The following CGREF1 variants were observed in gnomAD, a reference collection of about 807,000 sequenced individuals.
CGREF1 encodes cell growth regulator with EF hand domain protein 1.
In CGREF1, 16 loss-of-function variants were observed where a neutral mutation model predicts 17.4. The observed-to-expected ratio is 0.92, with a 90% CI of 0.62 to 1.40. CGREF1 has a LOEUF of 1.40. Among genes scored for constraint, CGREF1 ranks in the 40% most tolerant of loss-of-function variants. CGREF1 has a pLI of 0.00. For missense variants in CGREF1, 296 were observed against 376.4 expected (o/e 0.79, Z 1.77); for synonymous variants, 142 against 154.6 (o/e 0.92, Z 0.61).
chr2:27,110,289 C>A (rs772767598), intron 1 of CGREF1, among the ~76,000 whole-genome samples: 2 of 152,042 alleles, frequency 1.3e-5, no homozygotes, highest in Non-Finnish European at 2.9e-5. Context: ...GTAGATCCAG[C>A]TACTAGGGAG....
chr2:27,116,462 G>C (rs891444637), intron 1 of CGREF1, among the ~76,000 whole-genome samples: 1 of 151,796 alleles, frequency 6.6e-6, no homozygotes, highest in African/African-American at 2.4e-5. Flanking sequence ...AGGAGGCAGA[G>C]GTTGCAATGA....
downstream of CGREF1, chr2:27,099,773 C>T: frequency 6.2e-7 from 1 of 1,612,154 alleles, no homozygotes; most frequent in African/African-American, 1.3e-5. Flanking sequence ...GCTCCTCACA[C>T]ACCATGGAGA....
rs914997460 is a variant in CGREF1 at position 27,102,307 on chromosome 2, G to A, written c.217+53C>T. 6 of 1,612,172 alleles carry A rather than the reference G, an allele frequency of 3.7e-6. No individual in the cohort carries two copies. In the Admixed American group the frequency reaches 6.7e-5, roughly 18 times the overall value. On this transcript the variant is annotated intron_variant, in intron 4 of 5. Coordinates refer to ENST00000402394, the MANE Select transcript of CGREF1 (RefSeq NM_006569.6). ...AATGGGGCAGCCGAGGTCAGTCCCAGATCTGGCTGCCCAGAGCCTCCCGTC... is the reference window on the plus strand; with the variant it reads ...AATGGGGCAGCCGAGGTCAGTCCCAAATCTGGCTGCCCAGAGCCTCCCGTC...
rs931604712 is a variant in CGREF1 at position 27,102,342 on chromosome 2, A to C, written c.217+18T>G. 12 of 1,613,848 alleles carry C rather than the reference A, an allele frequency of 7.4e-6. No individual in the cohort carries two copies. In the African/African-American group the frequency reaches 1.3e-4, roughly 18 times the overall value. On this transcript the variant is annotated intron_variant, in intron 4 of 5. Coordinates refer to ENST00000402394, the MANE Select transcript of CGREF1 (RefSeq NM_006569.6). ...CCCAGAGCCTCCCGTCCCTGGCCCC[A>C]TCAGCCCAGCCCCTCACCCTGCTCC...
downstream of CGREF1, chr2:27,099,753 G>C: frequency 6.2e-7 from 1 of 1,613,760 alleles, no homozygotes; most frequent in Non-Finnish European, 8.5e-7. Flanking sequence ...TCGTGTGAGA[G>C]CAGGTGCCGG....
intron 1 of CGREF1, among the ~76,000 whole-genome samples, chr2:27,114,626 G>A (rs1340193475): frequency 6.6e-6 from 1 of 152,100 alleles, no homozygotes; most frequent in Non-Finnish European, 1.5e-5. Context: ...ACACACAGAT[G>A]TGCACCTCTG....
At chr2:27,115,282 A>T (rs1671531492) in intron 1 of CGREF1, among the ~76,000 whole-genome samples, 1 of 151,310 alleles carries the variant, frequency 6.6e-6, no homozygotes, top group Non-Finnish European at 1.5e-5. Context: ...AATGACTATC[A>T]CTCTCCTCTT....
chr2:27,111,184 C>T (rs1256117509), intron 1 of CGREF1, among the ~76,000 whole-genome samples: 1 of 152,130 alleles, frequency 6.6e-6, no homozygotes, highest in African/African-American at 2.4e-5. Flanking sequence ...TTACAGAGAG[C>T]GGAGTGGTCT....
At chr2:27,105,401 G>T (rs1311429121) in intron 1 of CGREF1, among the ~76,000 whole-genome samples, 2 of 152,192 alleles carry the variant, frequency 1.3e-5, no homozygotes, top group Non-Finnish European at 2.9e-5. Context: ...TTTCCTAAGA[G>T]ATGAGGGGTA....
chr2:27,099,714 G>T, downstream of CGREF1: 1 of 1,614,176 alleles, frequency 6.2e-7, no homozygotes, highest in South Asian at 1.1e-5. Context: ...TGGCCGGCAA[G>T]AAGTGTGGCC....
At chr2:27,116,915 CTCTCTCTCTT>C (rs1215434176) in intron 1 of CGREF1, among the ~76,000 whole-genome samples, 15 of 75,362 alleles carry the variant, frequency 2.0e-4, no homozygotes, top group African/African-American at 7.5e-4. Context: ...CTCTCTCTCT[CTCTCTCTCTT>C]TTTTTGAGAC....
At chr2:27,104,161 GGAGATACA>G in intron 2 of CGREF1, 118 bp downstream of exon 2, 2 of 918,568 alleles carry the variant, frequency 2.2e-6, no homozygotes, top group Non-Finnish European at 3.2e-6. Context: ...CTGATGGCAG[GGAGATACA>G]GAGATCGGGG....
chr2:27,104,757 A>C, intron 1 of CGREF1: 1 of 1,489,364 alleles, frequency 6.7e-7, no homozygotes, highest in Non-Finnish European at 8.9e-7. Flanking sequence ...GGAGCGCAGA[A>C]AGTTTAAGAA....
Position 27,101,592 on chromosome 2 carries a change from C to T in CGREF1, c.639G>A (p.Glu213=). 1 of 1,613,994 alleles carries T rather than the reference C, an allele frequency of 6.2e-7. No homozygotes were observed. Among genetic ancestry groups the T allele is most frequent in the Non-Finnish European group, 8.5e-7 (1 of 1,180,046 alleles). Residue 213 remains glutamate, a synonymous_variant, in exon 6 of 6, where the codon GAG becomes GAA. Transcript: ENST00000402394. ...TGGGCCCTGGAACATCTCCATCAGCCTCTGCCTGGCCCCCAGGCTCCTGGA... is the reference window on the plus strand; with the variant it reads ...TGGGCCCTGGAACATCTCCATCAGCTTCTGCCTGGCCCCCAGGCTCCTGGA... The part of the protein sequence containing the change: ...DPVQEPGGQA[E]ADGDVPGPRG...
intron 1 of CGREF1, among the ~76,000 whole-genome samples, chr2:27,106,559 A>AG (rs1471079926): frequency 5.9e-5 from 9 of 152,314 alleles, no homozygotes; most frequent in Admixed American, 3.9e-4. Context: ...TGTAGAAGGG[A>AG]GAAAAAAAAC....
At chr2:27,102,074 G>C in intron 5 of CGREF1, 23 bp downstream of exon 5, 1 of 1,590,020 alleles carries the variant, frequency 6.3e-7, no homozygotes, top group Non-Finnish European at 8.6e-7. Context: ...TTTATGCGGG[G>C]ATCTCCATCC....
At chr2:27,100,406 T>C (rs1670746569), downstream of CGREF1, 1 of 1,288,082 alleles carries the variant, frequency 7.8e-7, no homozygotes, top group South Asian at 1.2e-5. Flanking sequence ...GTCTCACCCT[T>C]GGAGCCCACC....
chr2:27,101,303 T>G lies in CGREF1; in HGVS notation c.928A>C (p.Ile310Leu). Residue 310 changes from isoleucine to leucine, a missense_variant, in exon 6 of 6, where the codon ATT becomes CTT. Ile to Leu is a conservative substitution (Grantham distance 5). This residue lies in a region of CGREF1 where 40 missense variants were observed against 40.8 expected (regional missense o/e 0.98). Transcript: ENST00000402394. ...ATCTCATCATTCTCCACTTGAACAATGTGCACCTCAAAGTCATTTTGGGTG... is the reference window on the plus strand; with the variant it reads ...ATCTCATCATTCTCCACTTGAACAAGGTGCACCTCAAAGTCATTTTGGGTG... The part of the protein sequence containing the change: ...KNTQNDFEVH[I>L]VQVENDEI 6.3e-7 allele frequency: 1 copy of G among 1,577,262 alleles called. No individual in the cohort carries two copies. Among genetic ancestry groups the G allele is most frequent in the Non-Finnish European group, 8.6e-7 (1 of 1,161,274 alleles).
rs1572887723 is a variant in CGREF1 at position 27,101,256 on chromosome 2, T to C, written c.*18A>G. ...GTTCTGGCACTGAGACTTCGTGGGG[T>C]ACCTGTATCTTCAAGATCTAGATCT... On this transcript the variant is annotated 3_prime_UTR_variant, in exon 6 of 6. Transcript: ENST00000402394. 9.8e-6 allele frequency: 15 copies of C among 1,529,970 alleles called. No homozygotes were observed. In the East Asian group the frequency reaches 2.9e-4, roughly 30 times the overall value. The allele number at this position is 1,529,970 out of a possible 1,614,324, so 94.8% of individuals were successfully genotyped here.
Sources: gnomAD v4.1 joint callset for allele counts (sites outside exome capture counted in the v4.1 genomes callset) on GRCh38, gnomAD v4.1.1 for gene constraint, gnomAD v4.1.1 regional missense constraint, MANE v1.5 for transcripts, NCBI Gene and HGNC (gene_info 2026-07-23, HGNC 2026-07-21) for gene names.